Variants in PRKCH observed in about 807,000 individuals in gnomAD.
PRKCH encodes protein kinase C eta, also known as protein kinase C eta type.
In PRKCH, 28 loss-of-function variants were observed where a neutral mutation model predicts 82.5. The observed-to-expected ratio is 0.34, with a 90% CI of 0.25 to 0.47. The LOEUF is 0.47. PRKCH is among the 20% of genes least tolerant of loss of function. The pLI is 1.00. For synonymous variants in PRKCH, 322 were observed against 327.4 expected, an observed-to-expected ratio of 0.98 and a Z score of 0.18; for missense variants, 705 against 881.8, an observed-to-expected ratio of 0.80 and a Z score of 2.54.
At chr14:61,218,118 T>C (rs1006890744) in intron 1 of PRKCH, among the ~76,000 whole-genome samples, 5 of 152,176 alleles carry the variant, frequency 3.3e-5, no homozygotes, top group South Asian at 4.1e-4. Flanking sequence ...ACCAAATTCA[T>C]AGAAGCATTA....
chr14:61,357,967 A>T (rs567892820), intron 1 of PRKCH, among the ~76,000 whole-genome samples: 1 of 152,238 alleles, frequency 6.6e-6, no homozygotes, highest in Non-Finnish European at 1.5e-5. Context: ...GCTGGTTGTC[A>T]TGTGAGTATC....
At chr14:61,501,875 T>C (rs1886924101) in intron 10 of PRKCH, among the ~76,000 whole-genome samples, 1 of 152,122 alleles carries the variant, frequency 6.6e-6, no homozygotes. Context: ...CATGTCCTTA[T>C]ATGTCCTTCC....
intron 2 of PRKCH, among the ~76,000 whole-genome samples, chr14:61,410,969 C>G (rs1165824581): frequency 6.6e-6 from 1 of 152,200 alleles, no homozygotes; most frequent in Non-Finnish European, 1.5e-5. Flanking sequence ...TGCAAAGGGA[C>G]AGAAAGTATG....
At chr14:61,324,103 C>A (rs1016921995) in intron 1 of PRKCH, among the ~76,000 whole-genome samples, 23 of 152,268 alleles carry the variant, frequency 1.5e-4, no homozygotes, top group African/African-American at 5.3e-4. Flanking sequence ...CCCCATCATC[C>A]GTACTTTTAG....
intron 9 of PRKCH, among the ~76,000 whole-genome samples, chr14:61,458,757 G>A (rs1243748756): frequency 6.6e-6 from 1 of 152,092 alleles, no homozygotes; most frequent in South Asian, 2.1e-4. Context: ...CGTGACAGCA[G>A]GAGAGAGAGA....
At chr14:61,531,149 T>C (rs564676437) in intron 12 of PRKCH, among the ~76,000 whole-genome samples, 97 of 152,362 alleles carry the variant, frequency 6.4e-4, no homozygotes, top group African/African-American at 2.2e-3. Flanking sequence ...ATGGATCATG[T>C]TGAGAAAGTC....
At chr14:61,247,591 C>G (rs2044896745) in intron 1 of PRKCH, among the ~76,000 whole-genome samples, 1 of 151,758 alleles carries the variant, frequency 6.6e-6, no homozygotes, top group African/African-American at 2.4e-5. Context: ...CAAAATTTAG[C>G]CAGGTATAGT....
At chr14:61,310,959 A>C (rs1411663500) in intron 1 of PRKCH, among the ~76,000 whole-genome samples, 1 of 152,246 alleles carries the variant, frequency 6.6e-6, no homozygotes, top group East Asian at 1.9e-4. Context: ...CCTGAGCTGT[A>C]TGTTGGCCCC....
rs2045453742 is a variant in PRKCH, at chr14:61,302,276, G to T, written c.-19+114608G>T. ...CAAATTATAGGCTGTGAAGCATATA[G>T]CATTCTTGCCTTTCCCAGAGGGGTC... On this transcript the variant is annotated intron_variant, in intron 1 of 3. Transcript: ENST00000555185. 2.0e-5 allele frequency among the ~76,000 whole-genome samples: 3 copies of T among 152,258 alleles called. No individual in the cohort carries two copies. The South Asian group carries it at 6.2e-4, about 32-fold the overall frequency.
At chr14:61,333,186 C>T (rs1407087151) in intron 1 of PRKCH, among the ~76,000 whole-genome samples, 1 of 152,204 alleles carries the variant, frequency 6.6e-6, no homozygotes, top group Admixed American at 6.5e-5. Context: ...GAGTTGAGAG[C>T]AGATTCCATC....
At chr14:61,480,355 C>A (rs1226252984) in intron 9 of PRKCH, among the ~76,000 whole-genome samples, 1 of 152,138 alleles carries the variant, frequency 6.6e-6, no homozygotes, top group Non-Finnish European at 1.5e-5. Context: ...ATTTGTGAAG[C>A]ATGATTTGGT....
chr14:61,194,455 C>T (rs1377250926), intron 1 of PRKCH, among the ~76,000 whole-genome samples: 3 of 152,144 alleles, frequency 2.0e-5, no homozygotes, highest in Non-Finnish European at 2.9e-5. Context: ...ATCCTGCACC[C>T]GTTCTACCAT....
At chr14:61,434,798 A>T (rs1287720801) in intron 2 of PRKCH, among the ~76,000 whole-genome samples, 4 of 152,182 alleles carry the variant, frequency 2.6e-5, no homozygotes, top group East Asian at 1.9e-4. Flanking sequence ...AAGAGAGAGG[A>T]TCACCTGAGC....
intron 1 of PRKCH, among the ~76,000 whole-genome samples, chr14:61,254,166 A>T (rs928760730): frequency 6.6e-6 from 1 of 152,086 alleles, no homozygotes; most frequent in Admixed American, 6.6e-5. Context: ...TATCATTTGG[A>T]TATAGATCAG....
chr14:61,280,548 G>C lies in PRKCH; in HGVS notation c.-19+92880G>C. On this transcript the variant is annotated intron_variant, in intron 1 of 3. Transcript: ENST00000555185. This position sits in a 1 kb window ranked among gnomAD's most constrained non-coding sequence, Gnocchi z 5.0. ...GGTTGCGGAACTTGACGTGGTAGTCGGTCCACCAGGCGATGCCGGAGCGGT... is the reference window on the plus strand; with the variant it reads ...GGTTGCGGAACTTGACGTGGTAGTCCGTCCACCAGGCGATGCCGGAGCGGT... The C allele has an allele frequency of 6.2e-7, 1 of 1,611,252 alleles. No homozygotes were observed. The highest frequency in any genetic ancestry group is 8.5e-7 in the Non-Finnish European group (1 of 1,179,014).
chr14:61,511,995 A>G (rs1222761196), intron 10 of PRKCH, among the ~76,000 whole-genome samples: 1 of 152,158 alleles, frequency 6.6e-6, no homozygotes, highest in Non-Finnish European at 1.5e-5. Context: ...CTACTTTCAA[A>G]TAATTCATGT....
At chr14:61,366,911 G>A (rs1186764146) in intron 1 of PRKCH, among the ~76,000 whole-genome samples, 1 of 151,988 alleles carries the variant, frequency 6.6e-6, no homozygotes, top group Non-Finnish European at 1.5e-5. Flanking sequence ...CTCTGTCTAG[G>A]GATGTGGCTC....
At chr14:61,448,017 A>G (rs1372633542) in intron 4 of PRKCH, among the ~76,000 whole-genome samples, 1 of 152,248 alleles carries the variant, frequency 6.6e-6, no homozygotes, top group Admixed American at 6.5e-5. Flanking sequence ...TGATTCTTTG[A>G]AAGGATTAAT....
intron 2 of PRKCH, among the ~76,000 whole-genome samples, chr14:61,425,723 A>G (rs13379453): frequency 0.57 from 87,185 of 152,040 alleles, 26,923 homozygotes; most frequent in Non-Finnish European, 0.7. Context: ...GTGAAAAGAT[A>G]TGAGATTTGG....
Sources: allele counts gnomAD v4.1 joint callset (sites outside exome capture counted in the v4.1 genomes callset), GRCh38; gene constraint gnomAD v4.1.1; non-coding constraint Gnocchi (gnomAD v3.1); transcripts MANE v1.5; gene names NCBI Gene and HGNC (gene_info 2026-07-23, HGNC 2026-07-21).